The following BCL2L11 variants were observed in gnomAD, a reference collection of about 807,000 sequenced individuals.
BCL2L11 encodes bcl-2-like protein 11.
Under a neutral mutation model 20.6 loss-of-function variants are expected in BCL2L11, and 15 were observed. That is an observed-to-expected ratio of 0.73 (90% CI 0.49 to 1.12). BCL2L11 has a LOEUF of 1.12. Ranked by LOEUF, BCL2L11 falls within the 50% of genes most tolerant of loss-of-function variation. The pLI is 0.00. For missense variants in BCL2L11, 292 were observed against 260.9 expected (o/e 1.12, Z -0.82); for synonymous variants, 108 against 92.8 (o/e 1.16, Z -0.94).
At position 111,145,865 on chromosome 2, in the gene BCL2L11, C is replaced by A. The variant is rs528572698; in HGVS notation, c.395-4179C>A. The A allele has an allele frequency of 8.2e-6, 6 of 732,420 alleles. No individual in the cohort carries two copies. In the African/African-American group the frequency reaches 1.2e-4, roughly 14 times the overall value. 45.4% of individuals were successfully genotyped at this position (732,420 alleles called of 1,614,324 possible). ...GAAGATTCAGTGGACACACTTTTGG[C>A]AAAAATTGCTTATATCTGACATATT... On this transcript the variant is annotated intron_variant, in intron 2 of 3. Transcript: ENST00000393256.
At chr2:111,127,279 G>GTGA (rs1417698823) in intron 2 of BCL2L11, among the ~76,000 whole-genome samples, 1 of 151,496 alleles carries the variant, frequency 6.6e-6, no homozygotes, top group East Asian at 1.9e-4. Flanking sequence ...ACACTAAAGT[G>GTGA]TAGTCAGTAC....
In BCL2L11 at chr2:111,123,910, C is replaced by T. The variant is rs368816038; in HGVS notation, c.165C>T (p.Cys55=). The change falls in exon 2 of 4, where the codon TGC becomes TGT. Residue 55 remains cysteine, a synonymous_variant. Coordinates refer to ENST00000393256, the MANE Select transcript of BCL2L11 (RefSeq NM_138621.5). ...ATCACGGAGGTGAAGGGGACAGCTG[C>T]CCCCACGGCAGCCCTCAGGGCCCGC... ...EGNHGGEGDS[C]PHGSPQGPLA... is the part of the protein sequence containing the mutation. 1 of 1,612,880 alleles carries T rather than the reference C, an allele frequency of 6.2e-7. No homozygotes were observed. Among genetic ancestry groups the T allele is most frequent in the Non-Finnish European group, 8.5e-7 (1 of 1,179,410 alleles).
intron 2 of BCL2L11, among the ~76,000 whole-genome samples, chr2:111,129,417 C>T (rs1199872841): frequency 6.6e-6 from 1 of 152,054 alleles, no homozygotes; most frequent in Non-Finnish European, 1.5e-5. Context: ...TGTTAGTTAC[C>T]CAATTTTAAA....
At chr2:111,128,508 G>T in intron 2 of BCL2L11, 3 of 1,286,588 alleles carry the variant, frequency 2.3e-6, no homozygotes, top group South Asian at 2.2e-5. Context: ...TAATTTTTTG[G>T]GGAACCATCA....
chr2:111,130,174 G>A (rs1399693063), intron 2 of BCL2L11: 1 of 349,042 alleles, frequency 2.9e-6, no homozygotes, highest in Non-Finnish European at 5.6e-6. Context: ...GTGCGATCTT[G>A]GCTCACTGCA....
intron 2 of BCL2L11, among the ~76,000 whole-genome samples, chr2:111,142,603 T>C (rs989490486): frequency 5.3e-5 from 8 of 152,250 alleles, no homozygotes; most frequent in African/African-American, 1.9e-4. Context: ...AAAAACTGTT[T>C]AAGGTGTAGC....
chr2:111,120,932 G>T lies in BCL2L11; in HGVS notation c.-270G>T, dbSNP rs1254436503. ...AGGTTTCACTTCGCTCCGCGCAGCC[G>T]CCTGGTCTGCAGTTTGTTGGAGCTC... On this transcript the variant is annotated 5_prime_UTR_variant, in exon 1 of 4. Transcript: ENST00000393256. The T allele has an allele frequency of 2.5e-5, 9 of 354,192 alleles. No homozygotes were observed. The East Asian group carries it at 4.6e-4, about 18-fold the overall frequency. 21.9% of individuals were successfully genotyped at this position (354,192 alleles called of 1,614,324 possible).
Position 111,124,101 on chromosome 2 carries a change from C to G in BCL2L11, c.356C>G (p.Pro119Arg), listed in dbSNP as rs2071911972. ...SCDKSTQTPSPPCQAFNHYLS... is the reference protein window; with the variant it reads ...SCDKSTQTPSRPCQAFNHYLS... Reference sequence around the variant, plus strand: ...GACAAATCAACACAAACCCCAAGTCCTCCTTGCCAGGCCTTCAACCACTAT... The same window carrying G: ...GACAAATCAACACAAACCCCAAGTCGTCCTTGCCAGGCCTTCAACCACTAT... Residue 119 changes from proline to arginine, a missense_variant, in exon 2 of 4, where the codon CCT (proline) becomes CGT (arginine). Transcript: ENST00000393256. 6.2e-7 allele frequency: 1 copy of G among 1,613,472 alleles called. No individual in the cohort carries two copies. Among genetic ancestry groups the G allele is most frequent in the Non-Finnish European group, 8.5e-7 (1 of 1,179,816 alleles).
intron 2 of BCL2L11, among the ~76,000 whole-genome samples, chr2:111,126,887 C>G (rs1052118753): frequency 1.3e-5 from 2 of 152,154 alleles, no homozygotes; most frequent in Non-Finnish European, 2.9e-5. Context: ...TTTTGCTCAG[C>G]AACTTGGGGT....
rs1305141595 is a variant in BCL2L11, at chr2:111,123,854, C to T, written c.109C>T (p.Gln37Ter). ...QLRPGAPTSL[Q>*]TEPQGNPEGN... ...CAGACCTGGGGCCCCTACCTCCCTA[C>T]AGACAGAGCCACAAGGTAATCCTGA... The change falls in exon 2 of 4, where the codon CAG becomes TAG. Residue 37 changes from glutamine (Q) to a stop codon, truncating the protein, a stop_gained. Coordinates refer to ENST00000393256, the MANE Select transcript of BCL2L11 (RefSeq NM_138621.5). LOFTEE classifies it high-confidence loss of function. 4 of 1,589,434 alleles carry T rather than the reference C, an allele frequency of 2.5e-6. No homozygotes were observed. The highest frequency in any genetic ancestry group is 3.4e-6 in the Non-Finnish European group (4 of 1,168,096).
At chr2:111,136,385 C>A (rs1355283313) in intron 2 of BCL2L11, among the ~76,000 whole-genome samples, 1 of 152,166 alleles carries the variant, frequency 6.6e-6, no homozygotes, top group Non-Finnish European at 1.5e-5. Context: ...TGTGTTCTCT[C>A]TAGGGTTGTC....
At chr2:111,141,631 T>C (rs546371096) in intron 2 of BCL2L11, among the ~76,000 whole-genome samples, 4 of 151,704 alleles carry the variant, frequency 2.6e-5, no homozygotes, top group Non-Finnish European at 5.9e-5. Context: ...AACCTGCACA[T>C]TGTGCACATG....
Position 111,151,850 on chromosome 2 carries a change from G to A in BCL2L11, c.498+1703G>A, listed in dbSNP as rs969359909. ...GCAAAACTCCTGGCATCCTCCACCT[G>A]ACATAAACCAGTTCACAGAACATTC... On this transcript the variant is annotated intron_variant, in intron 3 of 3. Transcript: ENST00000393256. The A allele has an allele frequency of 5.8e-6, 9 of 1,549,712 alleles. No individual in the cohort carries two copies. In the African/African-American group the frequency reaches 1.1e-4, roughly 19 times the overall value.
chr2:111,144,673 T>C (rs1180812502), intron 2 of BCL2L11, among the ~76,000 whole-genome samples: 1 of 152,252 alleles, frequency 6.6e-6, no homozygotes, highest in Non-Finnish European at 1.5e-5. Flanking sequence ...TTTCTTTCTC[T>C]AAATGAATGT....
At chr2:111,127,141 A>G (rs1003765981) in intron 2 of BCL2L11, among the ~76,000 whole-genome samples, 2 of 152,186 alleles carry the variant, frequency 1.3e-5, no homozygotes, top group African/African-American at 2.4e-5. Flanking sequence ...TAACTTGACA[A>G]ATGATACCTT....
rs1204947036 is a variant in BCL2L11, at chr2:111,167,693, T to C, written c.*3462T>C. 3.3e-5 allele frequency: 5 copies of C among 152,432 alleles called. No homozygotes were observed. The highest frequency in any genetic ancestry group is 6.5e-5 in the Admixed American group (1 of 15,304). 9.4% of individuals were successfully genotyped at this position (152,432 alleles called of 1,614,324 possible). A position where few individuals can be genotyped will look rare whatever the true frequency, so the allele number is the denominator to read the frequency against. ...CCCCTTGTGGACAACTGTGAGTAGC[T>C]GGGTTTTCCCCCACCTGCTGTGCAA... On this transcript the variant is annotated 3_prime_UTR_variant, in exon 4 of 4. Coordinates refer to ENST00000393256, the MANE Select transcript of BCL2L11 (RefSeq NM_138621.5).
In BCL2L11 at chr2:111,167,572, G is replaced by A. The variant is rs1439018495; in HGVS notation, c.*3341G>A. The A allele has an allele frequency of 6.6e-6, 1 of 152,224 alleles. No individual in the cohort carries two copies. Among genetic ancestry groups the A allele is most frequent in the African/African-American group, 2.4e-5 (1 of 41,446 alleles). The allele number at this position is 152,224 out of a possible 1,614,324, so 9.4% of individuals were successfully genotyped here. On this transcript the variant is annotated 3_prime_UTR_variant, in exon 4 of 4. Transcript: ENST00000393256. ...AGAAATAAAATGTGCCACTTCCAGAGGTGCTGCATTGCAGTTGTTCAGGGC... is the reference window on the plus strand; with the variant it reads ...AGAAATAAAATGTGCCACTTCCAGAAGTGCTGCATTGCAGTTGTTCAGGGC...
intron 2 of BCL2L11, among the ~76,000 whole-genome samples, chr2:111,139,648 C>T (rs1286616940): frequency 1.3e-5 from 2 of 152,170 alleles, no homozygotes; most frequent in African/African-American, 4.8e-5. Context: ...TTCTTGGTAA[C>T]CTTTTTTCAC....
At position 111,164,440 on chromosome 2, in the gene BCL2L11, G is replaced by C; in HGVS notation, c.*209G>C. ...AGAATTTCTAATGGAAGTTTGTTGT[G>C]AATGTAAAGGAGGGAGCATTCTTTG... On this transcript the variant is annotated 3_prime_UTR_variant, in exon 4 of 4. Transcript: ENST00000393256. 2.1e-6 allele frequency: 1 copy of C among 479,980 alleles called. No individual in the cohort carries two copies. The highest frequency in any genetic ancestry group is 3.7e-6 in the Non-Finnish European group (1 of 266,712). The allele number at this position is 479,980 out of a possible 1,614,324, so 29.7% of individuals were successfully genotyped here. A position where few individuals can be genotyped will look rare whatever the true frequency, so the allele number is the denominator to read the frequency against.
Sources: gnomAD v4.1 joint callset for allele counts (sites outside exome capture counted in the v4.1 genomes callset) on GRCh38, gnomAD v4.1.1 for gene constraint, MANE v1.5 for transcripts, NCBI Gene and HGNC (gene_info 2026-07-23, HGNC 2026-07-21) for gene names.